Variants in MYH7 observed in about 807,000 individuals in gnomAD.
MYH7 encodes the protein myosin heavy chain 7, also known as myosin-7.
MYH7 carries 129 observed loss-of-function variants against 225.4 expected under a neutral mutation model. The ratio of observed to expected loss-of-function variants is 0.57; its 90% CI spans 0.50 to 0.66. The LOEUF (loss-of-function observed/expected upper bound fraction) is 0.66, where lower values mean the gene tolerates loss of function less well. Among genes scored for constraint, MYH7 ranks in the 30% least tolerant of loss-of-function variants. The probability of loss-of-function intolerance (pLI) is 0.00; values close to 1 mark genes in which losing one functional copy is unlikely to be tolerated. For missense variants in MYH7, 1,649 were observed against 2,517.0 expected (o/e 0.66, Z 7.38); for synonymous variants, 971 against 1,007.6 (o/e 0.96, Z 0.69).
At position 23,415,959 on chromosome 14, in the gene MYH7, T is replaced by G. The variant is rs1358440556; in HGVS notation, c.4953+45A>C. ...TCTGGTGCCTGTATCAAGACACTACTGCTTCGCCAGGCCACGTGGAGGCCA... is the reference window on the plus strand; with the variant it reads ...TCTGGTGCCTGTATCAAGACACTACGGCTTCGCCAGGCCACGTGGAGGCCA... On this transcript the variant is annotated intron_variant, in intron 34 of 39. Transcript: ENST00000355349. The surrounding 1 kb of genome is among the most constrained non-coding windows in gnomAD (Gnocchi z 6.3). The G allele has an allele frequency of 6.2e-7, 1 of 1,613,970 alleles. No homozygotes were observed. The highest frequency in any genetic ancestry group is 8.5e-7 in the Non-Finnish European group (1 of 1,179,966).
rs1202199852 is a variant in MYH7, at chr14:23,415,563, T to C, written c.5158-57A>G. On this transcript the variant is annotated intron_variant, in intron 35 of 39. Coordinates refer to ENST00000355349, the MANE Select transcript of MYH7 (RefSeq NM_000257.4). This position sits in a 1 kb window ranked among gnomAD's most constrained non-coding sequence, Gnocchi z 6.3. Reference sequence around the variant, plus strand: ...AAAGCATTGAGCATCTATGCATAGCTCTCAAGCCTTGCTTGCTGAGCCCCA... The same window carrying C: ...AAAGCATTGAGCATCTATGCATAGCCCTCAAGCCTTGCTTGCTGAGCCCCA... The C allele has an allele frequency of 4.0e-5, 65 of 1,613,768 alleles. 1 individual carries two copies. The highest frequency in any genetic ancestry group is 5.3e-5 in the Non-Finnish European group (63 of 1,180,008).
chr14:23,424,183 G>T (rs571272383), intron 22 of MYH7, 34 bp from the exon 23 acceptor site: 9 of 1,613,378 alleles, frequency 5.6e-6, no homozygotes, highest in Admixed American at 5.0e-5. Flanking sequence ...GGCTGTTCAG[G>T]GGGTAAGGTC....
rs200601164 is a variant in MYH7 at position 23,416,286 on chromosome 14, C to T, written c.4671G>A (p.Lys1557=). ...AEASLEHEEG[K]ILRAQLEFNQ... is the part of the protein sequence containing the mutation. ...TGAACTCCAGCTGGGCCCGGAGGAT[C>T]TTGCCCTCCTCGTGCTCCAGGGAGG... Residue 1557 remains lysine, a synonymous_variant, in exon 34 of 40, where the codon AAG becomes AAA. Transcript: ENST00000355349. The T allele has an allele frequency of 1.0e-4, 168 of 1,613,124 alleles. 2 individuals carry two copies. The South Asian group carries it at 1.8e-3, about 17-fold the overall frequency.
In MYH7 at chr14:23,429,367, A is replaced by G; in HGVS notation, c.1139-20T>C. On this transcript the variant is annotated intron_variant, in intron 12 of 39. Transcript: ENST00000355349. ...CAGCCTCTGGAAGGAAAAGGCAAGT[A>G]GCAAAGTTGGTAAAGAGATGACTGC... is the stretch of plus-strand genomic sequence containing the variant. 6.2e-7 allele frequency: 1 copy of G among 1,606,824 alleles called. No homozygotes were observed. The highest frequency in any genetic ancestry group is 1.1e-5 in the South Asian group (1 of 90,912).
chr14:23,424,625 T>C, intron 22 of MYH7, 144 bp downstream of exon 22: 1 of 1,371,008 alleles, frequency 7.3e-7, no homozygotes. Context: ...CTGAGGGACC[T>C]CTTTGGAGGT....
Position 23,428,636 on chromosome 14 carries a change from G to C in MYH7, c.1442C>G (p.Thr481Ser). The stretch of plus-strand genomic sequence containing the variant: ...GAAGAACTGCTGCAGCTTCTCGTTG[G>C]TGAAGTTGATGCAGAGCTGCTCAAA... The part of the protein sequence containing the change: ...NSFEQLCINF[T>S]NEKLQQFFNH... The change falls in exon 15 of 40, where the codon ACC (threonine) becomes AGC (serine). Residue 481 changes from threonine to serine, a missense_variant. By Grantham distance (58) the Thr-to-Ser change is moderately conservative. Transcript: ENST00000355349. 1 of 1,614,146 alleles carries C rather than the reference G, an allele frequency of 6.2e-7. No individual in the cohort carries two copies. The highest frequency in any genetic ancestry group is 8.5e-7 in the Non-Finnish European group (1 of 1,180,006).
In MYH7 at chr14:23,421,316, G is replaced by A. The variant is rs942372448; in HGVS notation, c.3246-268C>T. Among the ~76,000 whole-genome samples the A allele has an allele frequency of 2.0e-5, 3 of 152,172 alleles. No individual in the cohort carries two copies. The East Asian group carries it at 5.8e-4, about 29-fold the overall frequency. On this transcript the variant is annotated intron_variant, in intron 25 of 39. Transcript: ENST00000355349. The stretch of plus-strand genomic sequence containing the variant: ...TCTTTGGTCCTTGTTTTCTCATAAT[G>A]TAAAATGAGGGGGTCGGACTAGATT...
chr14:23,414,124 G>A (rs749520200), intron 37 of MYH7, 22 bp from the exon 38 acceptor site: 19 of 1,605,520 alleles, frequency 1.2e-5, no homozygotes, highest in Non-Finnish European at 1.6e-5. Flanking sequence ...AGGGTAGGCA[G>A]GGGGTGAAGA....
In MYH7 at chr14:23,426,026, C is replaced by T. The variant is rs778328136; in HGVS notation, c.2100G>A (p.Glu700=). The change falls in exon 19 of 40, where the codon GAG becomes GAA. Residue 700 remains glutamate, a synonymous_variant. Coordinates refer to ENST00000355349, the MANE Select transcript of MYH7 (RefSeq NM_000257.4). The part of the protein sequence containing the change: ...MHQLRCNGVL[E]GIRICRKGFP... ...AGCCTTTCCTGCAGATGCGGATGCC[C>T]TCCAGCACACCATTGCAGCGCAGCT... 3 of 1,614,208 alleles carry T rather than the reference C, an allele frequency of 1.9e-6. No individual in the cohort carries two copies. The South Asian group carries it at 3.3e-5, about 18-fold the overall frequency.
At chr14:23,416,343 C>T in intron 33 of MYH7, 31 bp from the exon 34 acceptor site, 1 of 1,606,340 alleles carries the variant, frequency 6.2e-7, no homozygotes, top group Non-Finnish European at 8.5e-7. Context: ...GGGATGCAGG[C>T]AGACAGTCAG....
Position 23,429,255 on chromosome 14 carries a change from C to A in MYH7, c.1231G>T (p.Val411Phe). Residue 411 changes from valine (V) to phenylalanine (F), a missense_variant, in exon 13 of 40, where the codon GTC becomes TTC. Physicochemically the swap from Val to Phe is conservative, Grantham distance 50. Coordinates refer to ENST00000355349, the MANE Select transcript of MYH7 (RefSeq NM_000257.4). ...TGCTGGACATTCTGCCCCTTGGTGACGTACTCATTGCCCACTTTCACCCGA... is the reference window on the plus strand; with the variant it reads ...TGCTGGACATTCTGCCCCTTGGTGAAGTACTCATTGCCCACTTTCACCCGA... Reference protein sequence around the residue: ...HPRVKVGNEYVTKGQNVQQVI... With the variant: ...HPRVKVGNEYFTKGQNVQQVI... 6.2e-7 allele frequency: 1 copy of A among 1,614,210 alleles called. No individual in the cohort carries two copies. The highest frequency in any genetic ancestry group is 8.5e-7 in the Non-Finnish European group (1 of 1,180,034).
In MYH7 at chr14:23,420,017, T is replaced by G; in HGVS notation, c.3554A>C (p.His1185Pro). The G allele has an allele frequency of 6.3e-7, 1 of 1,581,302 alleles. No homozygotes were observed. Among genetic ancestry groups the G allele is most frequent in the Admixed American group, 1.7e-5 (1 of 57,330 alleles). ...GCGCAGGGCCGCGGCAGTGGCCTCG[T>G]GCTGCAGCGTGGCCTCCTCCAGGTC... ...RRDLEEATLQ[H>P]EATAAALRKK... is the part of the protein sequence containing the mutation. Residue 1185 changes from histidine (H) to proline (P), a missense_variant, in exon 27 of 40, where the codon CAC (histidine) becomes CCC (proline). By Grantham distance (77) the His-to-Pro change is moderately conservative. This residue lies in a region of MYH7 where 106 missense variants were observed against 198.8 expected (regional missense o/e 0.53). Coordinates refer to ENST00000355349, the MANE Select transcript of MYH7 (RefSeq NM_000257.4).
chr14:23,416,327 G>T lies in MYH7; in HGVS notation c.4645-15C>A, dbSNP rs756657320. ...TCCAGGGAGGCCTGGGAAGGGGTTG[G>T]GGGAGGGGATGCAGGCAGACAGTCA... On this transcript the variant is annotated splice_polypyrimidine_tract_variant and intron_variant, in intron 33 of 39. Coordinates refer to ENST00000355349, the MANE Select transcript of MYH7 (RefSeq NM_000257.4). 1.2e-6 allele frequency: 2 copies of T among 1,611,090 alleles called. No individual in the cohort carries two copies. Among genetic ancestry groups the T allele is most frequent in the Admixed American group, 1.7e-5 (1 of 59,922 alleles).
Position 23,417,568 on chromosome 14 carries a change from C to T in MYH7, c.4288G>A (p.Val1430Met). The stretch of plus-strand genomic sequence containing the variant: ...GCAGCATTGGAGCGCTCTACGTCCA[C>T]CATCAAGTCCTCGATCTCATTCTGT... ...RLQNEIEDLM[V>M]DVERSNAAAA... is the part of the protein sequence containing the mutation. The change falls in exon 31 of 40, where the codon GTG (valine) becomes ATG (methionine). Residue 1430 changes from valine (V) to methionine (M), a missense_variant. Val to Met is a conservative substitution (Grantham distance 21, BLOSUM62 1). This residue lies in a region of MYH7 where 687 missense variants were observed against 913.8 expected (regional missense o/e 0.75). Coordinates refer to ENST00000355349, the MANE Select transcript of MYH7 (RefSeq NM_000257.4). 9.9e-6 allele frequency: 16 copies of T among 1,612,488 alleles called. No individual in the cohort carries two copies. The highest frequency in any genetic ancestry group is 1.7e-5 in the Admixed American group (1 of 60,030).
At chr14:23,414,337 T>C (rs1163762957) in intron 37 of MYH7, among the ~76,000 whole-genome samples, 1 of 152,124 alleles carries the variant, frequency 6.6e-6, no homozygotes, top group South Asian at 2.1e-4. Flanking sequence ...CACAAAATTG[T>C]GTGTGTGCAG....
At position 23,433,568 on chromosome 14, in the gene MYH7, C is replaced by G. The variant is rs1893034416; in HGVS notation, c.165G>C (p.Glu55Asp). Residue 55 changes from glutamate to aspartate, a missense_variant, in exon 3 of 40, where the codon GAG becomes GAC. Physicochemically the swap from Glu to Asp is conservative, Grantham distance 45 (BLOSUM62 2). Coordinates refer to ENST00000355349, the MANE Select transcript of MYH7 (RefSeq NM_000257.4). This position sits in a 1 kb window ranked among gnomAD's most constrained non-coding sequence, Gnocchi z 4.1. ...CGGTCTCGGCAGTGACTTTGCCACC[C>G]TCTCGAGACACGATCTTGGCCTTGA... is the stretch of plus-strand genomic sequence containing the variant. ...EFVKAKIVSR[E>D]GGKVTAETEY... 1 of 1,614,212 alleles carries G rather than the reference C, an allele frequency of 6.2e-7. No individual in the cohort carries two copies. The highest frequency in any genetic ancestry group is 8.5e-7 in the Non-Finnish European group (1 of 1,180,042).
In MYH7 at chr14:23,426,795, T is replaced by A; in HGVS notation, c.2026A>T (p.Asn676Tyr). Residue 676 changes from asparagine (N) to tyrosine (Y), a missense_variant, in exon 18 of 40, where the codon AAT (asparagine) becomes TAT (tyrosine). By Grantham distance (143) the Asn-to-Tyr change is moderately radical (BLOSUM62 -2). This residue lies in a region of MYH7 where 112 missense variants were observed against 161.9 expected (regional missense o/e 0.69). Coordinates refer to ENST00000355349, the MANE Select transcript of MYH7 (RefSeq NM_000257.4). ...HPHFVRCIIP[N>Y]ETKSPGVMDN... is the part of the protein sequence containing the mutation. ...GCCTCACCTGGAGACTTTGTCTCAT[T>A]AGGGATGATACAACGTACAAAGTGG... 1 of 1,614,094 alleles carries A rather than the reference T, an allele frequency of 6.2e-7. No homozygotes were observed. The highest frequency in any genetic ancestry group is 8.5e-7 in the Non-Finnish European group (1 of 1,180,014).
At position 23,415,852 on chromosome 14, in the gene MYH7, G is replaced by T. The variant is rs1475558078; in HGVS notation, c.4954-20C>A. The stretch of plus-strand genomic sequence containing the variant: ...GGTGTCCTGAGGATCAGGAGAGTGG[G>T]CATGAGCAGGGAGCCAGCCTCGGTT... On this transcript the variant is annotated intron_variant, in intron 34 of 39. Transcript: ENST00000355349. This position sits in a 1 kb window ranked among gnomAD's most constrained non-coding sequence, Gnocchi z 6.3. 2 of 1,614,162 alleles carry T rather than the reference G, an allele frequency of 1.2e-6. No individual in the cohort carries two copies. Among genetic ancestry groups the T allele is most frequent in the South Asian group, 2.2e-5 (2 of 91,078 alleles).
In MYH7 at chr14:23,429,116, A is replaced by G; in HGVS notation, c.1258-12T>C. On this transcript the variant is annotated splice_polypyrimidine_tract_variant and intron_variant, in intron 13 of 39. Coordinates refer to ENST00000355349, the MANE Select transcript of MYH7 (RefSeq NM_000257.4). ...GTGGCATATATCACCTGCAAGGTGG[A>G]GGAGAGACCCATATTGAGCAGGGTT... 1 of 1,614,198 alleles carries G rather than the reference A, an allele frequency of 6.2e-7. No individual in the cohort carries two copies. Among genetic ancestry groups the G allele is most frequent in the African/African-American group, 1.3e-5 (1 of 75,060 alleles).
Sources: allele counts gnomAD v4.1 joint callset (sites outside exome capture counted in the v4.1 genomes callset), GRCh38; gene constraint gnomAD v4.1.1; regional missense constraint gnomAD v4.1.1; non-coding constraint Gnocchi (gnomAD v3.1); transcripts MANE v1.5; gene names NCBI Gene and HGNC (gene_info 2026-07-23, HGNC 2026-07-21).